PCDHA11: variants seen among roughly 807,000 people sequenced by gnomAD.
The protein encoded by PCDHA11 is protocadherin alpha-11.
In PCDHA11, 61 loss-of-function variants were observed where a neutral mutation model predicts 70.3. The observed-to-expected ratio is 0.87, with a 90% CI of 0.71 to 1.07. The LOEUF (loss-of-function observed/expected upper bound fraction) is 1.07, where lower values mean the gene tolerates loss of function less well. Ranked by LOEUF, PCDHA11 falls within the 50% of genes least tolerant of loss-of-function variation. PCDHA11 has a pLI of 0.00. For synonymous variants in PCDHA11, 633 were observed against 555.1 expected, an observed-to-expected ratio of 1.14 and a Z score of -1.97; for missense variants, 1,324 against 1,237.5, an observed-to-expected ratio of 1.07 and a Z score of -1.05.
chr5:140,928,835 C>G (rs782027566), intron 1 of PCDHA11: 1 of 1,614,036 alleles, frequency 6.2e-7, no homozygotes, highest in African/African-American at 1.3e-5. Context: ...CCACTTTCCT[C>G]CTCTGTCACT....
In PCDHA11 at chr5:140,870,084, C is replaced by T. The variant is rs782413178; in HGVS notation, c.981C>T (p.Pro327=). ...TACAGGCTACAGATAAGGGGACTCC[C>T]CCAATGGCAGGTCACTGTACAGTCT... is the stretch of plus-strand genomic sequence containing the variant. The part of the protein sequence containing the change: ...IEVQATDKGT[P]PMAGHCTVWV... The change falls in exon 1 of 4, where the codon CCC becomes CCT. Residue 327 remains proline (P), a synonymous_variant. Transcript: ENST00000398640. 1 of 1,613,864 alleles carries T rather than the reference C, an allele frequency of 6.2e-7. No homozygotes were observed. The highest frequency in any genetic ancestry group is 8.5e-7 in the Non-Finnish European group (1 of 1,179,884).
intron 1 of PCDHA11, among the ~76,000 whole-genome samples, chr5:140,874,298 G>T (rs887601408): frequency 1.3e-5 from 2 of 152,114 alleles, no homozygotes; most frequent in African/African-American, 2.4e-5. Context: ...ATGTGTACTT[G>T]TTCACAATGA....
chr5:140,953,364 G>T (rs1177357093), intron 1 of PCDHA11, among the ~76,000 whole-genome samples: 1 of 152,088 alleles, frequency 6.6e-6, no homozygotes, highest in Non-Finnish European at 1.5e-5. Flanking sequence ...TGCACTCAAG[G>T]ATTCTCTACC....
chr5:140,967,273 A>G lies in PCDHA11; in HGVS notation c.2392-11676A>G, dbSNP rs2096121712. The G allele has an allele frequency of 1.9e-6, 3 of 1,613,332 alleles. No individual in the cohort carries two copies. Among genetic ancestry groups the G allele is most frequent in the South Asian group, 2.2e-5 (2 of 91,074 alleles). On this transcript the variant is annotated intron_variant, in intron 1 of 3. Transcript: ENST00000398640. ...TGGCGCCTGGAGCGCGCTTTCACAT[A>G]GAGAGTGCGCAGGACCCCGACGTGG...
At position 140,869,273 on chromosome 5, in the gene PCDHA11, C is replaced by A. The variant is rs782135758; in HGVS notation, c.170C>A (p.Ala57Glu). 1.9e-6 allele frequency: 3 copies of A among 1,613,438 alleles called. No homozygotes were observed. Among genetic ancestry groups the A allele is most frequent in the African/African-American group, 2.7e-5 (2 of 74,920 alleles). The change falls in exon 1 of 4, where the codon GCG becomes GAG. Residue 57 changes from alanine to glutamate, a missense_variant. Physicochemically the swap from Ala to Glu is moderately radical, Grantham distance 107. Transcript: ENST00000398640. Reference protein sequence around the residue: ...RIAQDLGLELAELVQRLFRVA... With the variant: ...RIAQDLGLELEELVQRLFRVA... ...GCGCAGGACCTGGGGCTGGAGCTGG[C>A]GGAGCTGGTGCAGCGCCTGTTCCGG...
intron 1 of PCDHA11, among the ~76,000 whole-genome samples, chr5:140,904,512 C>T (rs1251570223): frequency 5.9e-5 from 9 of 151,738 alleles, no homozygotes; most frequent in Admixed American, 3.3e-4. Flanking sequence ...GTGAATTGTG[C>T]TGCTATAAAC....
At chr5:141,000,415 A>ATT (rs1563651650) in intron 3 of PCDHA11, among the ~76,000 whole-genome samples, 4 of 87,388 alleles carry the variant, frequency 4.6e-5, no homozygotes, top group African/African-American at 1.5e-4. Flanking sequence ...ATATATATAT[A>ATT]TATATATTTT....
At chr5:140,982,795 AT>A (rs2097005249) in intron 3 of PCDHA11, among the ~76,000 whole-genome samples, 1 of 151,516 alleles carries the variant, frequency 6.6e-6, no homozygotes, top group African/African-American at 2.4e-5. Flanking sequence ...GCATGTGTGC[AT>A]GTGTGTGTGT....
At chr5:140,886,276 A>T (rs1352172114) in intron 1 of PCDHA11, among the ~76,000 whole-genome samples, 3 of 152,062 alleles carry the variant, frequency 2.0e-5, no homozygotes, top group Admixed American at 1.3e-4. Flanking sequence ...AAAATTTTTT[A>T]AAATTATTTT....
At chr5:140,872,134 A>C (rs938546166) in intron 1 of PCDHA11, among the ~76,000 whole-genome samples, 1 of 152,112 alleles carries the variant, frequency 6.6e-6, no homozygotes, top group Non-Finnish European at 1.5e-5. Context: ...CAAAGCTAGA[A>C]TACTCCATTA....
chr5:140,898,072 G>T (rs1412097602), intron 1 of PCDHA11, among the ~76,000 whole-genome samples: 1 of 152,012 alleles, frequency 6.6e-6, no homozygotes, highest in Non-Finnish European at 1.5e-5. Flanking sequence ...TGAGTTCATT[G>T]TAGATTCTGG....
intron 1 of PCDHA11, chr5:140,930,195 G>A (rs1427541259): frequency 6.6e-6 from 1 of 152,140 alleles, no homozygotes; most frequent in East Asian, 1.9e-4. Context: ...TAATTTTTAT[G>A]TCAGAAATAT....
chr5:140,961,007 T>C (rs2095583572), intron 1 of PCDHA11, among the ~76,000 whole-genome samples: 1 of 152,230 alleles, frequency 6.6e-6, no homozygotes, highest in Non-Finnish European at 1.5e-5. Context: ...GCTGCTGGAC[T>C]GCATGGACAC....
chr5:140,890,775 CATAAG>C (rs1358140207), intron 1 of PCDHA11, among the ~76,000 whole-genome samples: 5 of 152,040 alleles, frequency 3.3e-5, no homozygotes, highest in Admixed American at 6.6e-5. Context: ...TTTAAAACCC[CATAAG>C]ATATTAGTAT....
rs1041924506 is a variant in PCDHA11 at position 140,932,800 on chromosome 5, C to T, written c.2392-46149C>T. ...GAGTGGACATAAGAGAAAAGCAATA[C>T]CTTGGAAACATATAAGTGGGAAAGT... On this transcript the variant is annotated intron_variant, in intron 1 of 3. Coordinates refer to ENST00000398640, the MANE Select transcript of PCDHA11 (RefSeq NM_018902.5). Among the ~76,000 whole-genome samples the T allele has an allele frequency of 2.6e-5, 4 of 151,684 alleles. No homozygotes were observed. The East Asian group carries it at 5.8e-4, about 22-fold the overall frequency.
At chr5:140,977,955 C>T (rs1280190913) in intron 1 of PCDHA11, among the ~76,000 whole-genome samples, 1 of 152,170 alleles carries the variant, frequency 6.6e-6, no homozygotes, top group African/African-American at 2.4e-5. Context: ...GACAGGGCCA[C>T]CTCAATCTCC....
intron 3 of PCDHA11, among the ~76,000 whole-genome samples, chr5:140,996,776 A>G (rs1554255393): frequency 6.6e-6 from 1 of 152,206 alleles, no homozygotes; most frequent in Non-Finnish European, 1.5e-5. Flanking sequence ...TAAAATGAGT[A>G]GTGCCTCACT....
chr5:140,877,592 T>G, intron 1 of PCDHA11: 1 of 1,613,812 alleles, frequency 6.2e-7, no homozygotes, highest in South Asian at 1.1e-5. Flanking sequence ...ATCTGTGCGG[T>G]GTCCAGCCTG....
Position 140,876,083 on chromosome 5 carries a change from A to C in PCDHA11, c.2391+4589A>C. 1 of 1,613,974 alleles carries C rather than the reference A, an allele frequency of 6.2e-7. No individual in the cohort carries two copies. The highest frequency in any genetic ancestry group is 8.5e-7 in the Non-Finnish European group (1 of 1,179,900). ...CTTCGGAAGTTATTGGACAGAGAGC[A>C]AACGCCAAAACTCAATTTATTGCTG... On this transcript the variant is annotated intron_variant, in intron 1 of 3. Coordinates refer to ENST00000398640, the MANE Select transcript of PCDHA11 (RefSeq NM_018902.5).
Sources: gnomAD v4.1 joint callset for allele counts (sites outside exome capture counted in the v4.1 genomes callset) on GRCh38, gnomAD v4.1.1 for gene constraint, MANE v1.5 for transcripts, NCBI Gene and HGNC (gene_info 2026-07-23, HGNC 2026-07-21) for gene names.